Variants in CNTLN observed in about 807,000 individuals in gnomAD.
The protein encoded by CNTLN is centlein, centrosomal protein.
A neutral mutation model predicts 180.0 loss-of-function variants in CNTLN; 212 were observed. That is an observed-to-expected ratio of 1.18 (90% CI 1.05 to 1.32). CNTLN has a LOEUF of 1.32. Ranked by LOEUF, CNTLN falls within the 40% of genes most tolerant of loss-of-function variation. The probability of loss-of-function intolerance (pLI) is 0.00; values close to 1 mark genes in which losing one functional copy is unlikely to be tolerated. For synonymous variants in CNTLN, 722 were observed against 563.1 expected, an observed-to-expected ratio of 1.28 and a Z score of -3.99; for missense variants, 2,095 against 1,610.9, an observed-to-expected ratio of 1.30 and a Z score of -5.14.
At chr9:17,444,764 C>G (rs1830305825) in intron 18 of CNTLN, among the ~76,000 whole-genome samples, 1 of 152,102 alleles carries the variant, frequency 6.6e-6, no homozygotes, top group Non-Finnish European at 1.5e-5. Context: ...TTTGTTAGGT[C>G]AAGCCTTTTT....
At chr9:17,334,554 G>C (rs1034400978) in intron 10 of CNTLN, among the ~76,000 whole-genome samples, 1 of 152,106 alleles carries the variant, frequency 6.6e-6, no homozygotes, top group Non-Finnish European at 1.5e-5. Context: ...AGAAGTATAA[G>C]ATCTGTAGTC....
chr9:17,259,414 C>A (rs11523044), intron 5 of CNTLN, among the ~76,000 whole-genome samples: 44,434 of 117,590 alleles, frequency 0.38, 9,931 homozygotes, highest in South Asian at 0.63. Flanking sequence ...AATGTTCATC[C>A]GGGATATTGG....
At chr9:17,452,712 C>T (rs570190954) in intron 18 of CNTLN, among the ~76,000 whole-genome samples, 87 of 152,204 alleles carry the variant, frequency 5.7e-4, no homozygotes, top group African/African-American at 1.9e-3. Context: ...GATATTGAAT[C>T]GGGTTCTGAA....
chr9:17,153,609 G>T (rs1163467562), intron 2 of CNTLN, among the ~76,000 whole-genome samples: 2 of 152,100 alleles, frequency 1.3e-5, no homozygotes, highest in East Asian at 3.9e-4. Flanking sequence ...TTTCAACCTT[G>T]GTGAATCTGA....
At chr9:17,460,257 G>T (rs895271797) in intron 19 of CNTLN, among the ~76,000 whole-genome samples, 1 of 151,656 alleles carries the variant, frequency 6.6e-6, no homozygotes, top group African/African-American at 2.4e-5. Context: ...TGGCTCCATA[G>T]TCCATGCTCC....
At chr9:17,516,185 C>T in the CNTLN span, among the ~76,000 whole-genome samples, 1 of 152,210 alleles carries the variant, frequency 6.6e-6, no homozygotes, top group Non-Finnish European at 1.5e-5. Context: ...TTCTCCACAG[C>T]AACATATTTC....
At chr9:17,502,327 G>A (rs186991267) in intron 25 of CNTLN, among the ~76,000 whole-genome samples, 153 of 152,206 alleles carry the variant, frequency 1.0e-3, no homozygotes, top group African/African-American at 3.5e-3. Flanking sequence ...TCAATAAGGC[G>A]TTTATCTTTT....
chr9:17,495,073 T>A, intron 25 of CNTLN: 1 of 362,948 alleles, frequency 2.8e-6, no homozygotes, highest in South Asian at 2.1e-5. Context: ...AGAGATTGGG[T>A]TTTGCCATGT....
chr9:17,334,889 T>C (rs1346522607), intron 10 of CNTLN, among the ~76,000 whole-genome samples: 2 of 146,324 alleles, frequency 1.4e-5, no homozygotes, highest in African/African-American at 2.6e-5. Context: ...AACCTGTACA[T>C]GTGCTCCCTG....
intron 7 of CNTLN, among the ~76,000 whole-genome samples, chr9:17,303,011 C>T (rs987876142): frequency 6.6e-6 from 1 of 152,198 alleles, no homozygotes; most frequent in African/African-American, 2.4e-5. Context: ...GTATCAGGCA[C>T]TGGCGATAGG....
At chr9:17,215,338 G>A (rs1823662099) in intron 2 of CNTLN, among the ~76,000 whole-genome samples, 1 of 152,202 alleles carries the variant, frequency 6.6e-6, no homozygotes, top group South Asian at 2.1e-4. Context: ...CTTTGCCTGG[G>A]TGTCAGCAGC....
chr9:17,505,451 A>G (rs1833916143), downstream of CNTLN, among the ~76,000 whole-genome samples: 1 of 152,162 alleles, frequency 6.6e-6, no homozygotes, highest in Non-Finnish European at 1.5e-5. Context: ...AAGATGCAAA[A>G]TCAACATGGA....
intron 18 of CNTLN, chr9:17,448,554 C>T (rs1054687045): frequency 6.6e-6 from 1 of 152,330 alleles, no homozygotes; most frequent in African/African-American, 2.4e-5. Context: ...GCTTCCTTCT[C>T]CTGCTGCCAC....
At chr9:17,203,751 G>A (rs1822718561) in intron 2 of CNTLN, among the ~76,000 whole-genome samples, 1 of 152,098 alleles carries the variant, frequency 6.6e-6, no homozygotes, top group African/African-American at 2.4e-5. Flanking sequence ...TAGAGACGGG[G>A]TTTCACCACG....
chr9:17,340,996 T>C (rs1210933350), intron 11 of CNTLN, 48 bp downstream of exon 11: 2 of 1,539,444 alleles, frequency 1.3e-6, no homozygotes, highest in Admixed American at 4.0e-5. Flanking sequence ...TTAAATGGAA[T>C]GGAGTAGCAT....
In CNTLN at chr9:17,394,559, A is replaced by C. The variant is rs531244072; in HGVS notation, c.2105A>C (p.Lys702Thr). 1.3e-6 allele frequency: 2 copies of C among 1,583,326 alleles called. No homozygotes were observed. The highest frequency in any genetic ancestry group is 1.4e-5 in the African/African-American group (1 of 72,870). Residue 702 changes from lysine (K) to threonine (T), a missense_variant, in exon 15 of 26, where the codon AAA becomes ACA. Coordinates refer to ENST00000380647, the MANE Select transcript of CNTLN (RefSeq NM_017738.4). ...QKVTELENRLKSFEKRSRKLK... is the reference protein window; with the variant it reads ...QKVTELENRLTSFEKRSRKLK... ...GTCACTGAGTTGGAAAATCGGCTGA[A>C]ATCTTTTGAGAAAAGGTCGAGAAAA...
intron 18 of CNTLN, among the ~76,000 whole-genome samples, chr9:17,428,480 C>T (rs920544624): frequency 6.6e-5 from 10 of 152,134 alleles, no homozygotes; most frequent in African/African-American, 2.4e-4. Flanking sequence ...AATGACTCAG[C>T]TACTGTATGC....
intron 18 of CNTLN, among the ~76,000 whole-genome samples, chr9:17,419,641 A>G (rs1423519978): frequency 6.6e-6 from 1 of 152,178 alleles, no homozygotes; most frequent in African/African-American, 2.4e-5. Flanking sequence ...ATTTTTGGAA[A>G]GTTAGGAGAT....
intron 2 of CNTLN, among the ~76,000 whole-genome samples, chr9:17,154,058 C>A (rs1281043163): frequency 1.3e-5 from 2 of 152,130 alleles, no homozygotes; most frequent in Non-Finnish European, 2.9e-5. Context: ...ATTTGACTGA[C>A]TCTTTTTCAA....
Sources: allele counts gnomAD v4.1 joint callset (sites outside exome capture counted in the v4.1 genomes callset), GRCh38; gene constraint gnomAD v4.1.1; transcripts MANE v1.5; gene names NCBI Gene and HGNC (gene_info 2026-07-23, HGNC 2026-07-21).